Variants in DGKB observed in about 807,000 individuals in gnomAD.
The protein encoded by DGKB is 90 kDa diacylglycerol kinase.
Under a neutral mutation model 114.3 loss-of-function variants are expected in DGKB, and 67 were observed. That is an observed-to-expected ratio of 0.59 (90% CI 0.48 to 0.72). The LOEUF is 0.72. Ranked by LOEUF, DGKB falls within the 30% of genes least tolerant of loss-of-function variation. DGKB has a pLI of 0.00. For synonymous variants in DGKB, 398 were observed against 323.1 expected (o/e 1.23, Z -2.49); for missense variants, 907 against 975.2 (o/e 0.93, Z 0.93).
intron 2 of DGKB, among the ~76,000 whole-genome samples, chr7:14,794,570 A>T (rs1841134393): frequency 6.6e-6 from 1 of 152,160 alleles, no homozygotes; most frequent in Admixed American, 6.5e-5. Context: ...ATGACTTAGG[A>T]GCTTCCATGT....
intron 1 of DGKB, among the ~76,000 whole-genome samples, chr7:14,857,206 GTCTC>G (rs36093995): frequency 1.0e-3 from 146 of 146,078 alleles, no homozygotes; most frequent in Admixed American, 1.0e-3. Flanking sequence ...CTCTCTCTCT[GTCTC>G]TCTCTCTCTC....
At chr7:14,701,644 T>C (rs1171529706) in intron 7 of DGKB, 37 bp downstream of exon 7, 1 of 1,485,830 alleles carries the variant, frequency 6.7e-7, no homozygotes, top group Non-Finnish European at 9.4e-7. Context: ...AAGAAAATCT[T>C]TGAAGTTTTC....
At position 14,346,406 on chromosome 7, in the gene DGKB, A is replaced by G. The variant is rs188649860; in HGVS notation, c.1836-1015T>C. ...GATATAAAATTATAAAATACAAAGC[A>G]ATGTTATATTATCTATCTAAACATA... is the stretch of plus-strand genomic sequence containing the variant. On this transcript the variant is annotated intron_variant, in intron 21 of 25. Transcript: ENST00000402815. Among the ~76,000 whole-genome samples, 19 of 152,052 alleles carry G rather than the reference A, an allele frequency of 1.2e-4. No individual in the cohort carries two copies. In the East Asian group the frequency reaches 3.7e-3, roughly 29 times the overall value.
At chr7:14,704,744 C>A (rs948175797) in intron 6 of DGKB, among the ~76,000 whole-genome samples, 5 of 152,130 alleles carry the variant, frequency 3.3e-5, no homozygotes, top group East Asian at 1.9e-4. Context: ...TCCAATAGAC[C>A]TGCAGCTGAG....
At chr7:14,822,693 G>T (rs1387878332) in intron 2 of DGKB, among the ~76,000 whole-genome samples, 1 of 152,040 alleles carries the variant, frequency 6.6e-6, no homozygotes, top group Non-Finnish European at 1.5e-5. Flanking sequence ...AAGAATTGTA[G>T]GTGTGGGTCT....
chr7:14,196,629 C>G (rs1376238122), intron 23 of DGKB, among the ~76,000 whole-genome samples: 1 of 151,946 alleles, frequency 6.6e-6, no homozygotes, highest in Non-Finnish European at 1.5e-5. Flanking sequence ...ATAAGAAATA[C>G]AATCTCCTTT....
chr7:14,878,763 A>AAAC (rs1294346560), intron 1 of DGKB, among the ~76,000 whole-genome samples: 1 of 151,098 alleles, frequency 6.6e-6, no homozygotes, highest in East Asian at 1.9e-4. Flanking sequence ...AACAAAAAAA[A>AAAC]AAAAACAAAA....
intron 10 of DGKB, among the ~76,000 whole-genome samples, chr7:14,684,900 A>G (rs113757538): frequency 8.6e-5 from 13 of 151,094 alleles, no homozygotes; most frequent in African/African-American, 3.0e-4. Context: ...ACATGTGGGG[A>G]GGGGGGGATG....
intron 23 of DGKB, among the ~76,000 whole-genome samples, chr7:14,286,626 T>C (rs928047797): frequency 6.6e-6 from 1 of 152,256 alleles, no homozygotes; most frequent in Admixed American, 6.5e-5. Flanking sequence ...TGCCCTAAAT[T>C]CTCATTTTTG....
rs1375506379 is a variant in DGKB, at chr7:14,841,373, C to A, written c.-110G>T. 15 of 873,184 alleles carry A rather than the reference C, an allele frequency of 1.7e-5. No individual in the cohort carries two copies. In the South Asian group the frequency reaches 2.6e-4, roughly 15 times the overall value. The allele number at this position is 873,184 out of a possible 1,614,324, so 54.1% of individuals were successfully genotyped here. ...ACATGGCATGTTTCATGATAAAATACCTCAGGCTTTCAAAATATGCAATCT... is the reference window on the plus strand; with the variant it reads ...ACATGGCATGTTTCATGATAAAATAACTCAGGCTTTCAAAATATGCAATCT... On this transcript the variant is annotated 5_prime_UTR_variant, in exon 2 of 26. Transcript: ENST00000402815.
In DGKB at chr7:14,263,692, A is replaced by G. The variant is rs554377553; in HGVS notation, c.2122+74823T>C. ...TTGAGAAATGATCATTTTTGAGAAC[A>G]TTGTAGATTCATAAAGTTAAAGGCA... On this transcript the variant is annotated intron_variant, in intron 23 of 25. Transcript: ENST00000402815. Among the ~76,000 whole-genome samples the G allele has an allele frequency of 3.9e-5, 6 of 152,330 alleles. No homozygotes were observed. In the South Asian group the frequency reaches 1.2e-3, roughly 32 times the overall value.
chr7:14,822,713 A>T, intron 2 of DGKB, among the ~76,000 whole-genome samples: 1 of 152,106 alleles, frequency 6.6e-6, no homozygotes, highest in East Asian at 1.9e-4. Flanking sequence ...TACAGAATAG[A>T]GGAAATCCTT....
intron 21 of DGKB, among the ~76,000 whole-genome samples, chr7:14,474,608 T>C (rs1781891666): frequency 6.8e-6 from 1 of 147,544 alleles, no homozygotes; most frequent in South Asian, 2.2e-4. Flanking sequence ...CTTTTTAATG[T>C]TGCTTATTTT....
chr7:14,837,929 C>T (rs1429823740), intron 2 of DGKB, among the ~76,000 whole-genome samples: 3 of 152,128 alleles, frequency 2.0e-5, no homozygotes, highest in Non-Finnish European at 2.9e-5. Context: ...TTAAAAATAG[C>T]GTAATAATCA....
At chr7:14,723,759 A>G (rs1829613051) in intron 5 of DGKB, among the ~76,000 whole-genome samples, 1 of 152,180 alleles carries the variant, frequency 6.6e-6, no homozygotes, top group African/African-American at 2.4e-5. Context: ...ATACATACAC[A>G]CATACACATT....
chr7:14,603,434 T>C (rs1308689619), intron 17 of DGKB, among the ~76,000 whole-genome samples: 1 of 152,130 alleles, frequency 6.6e-6, no homozygotes. Flanking sequence ...AAGAGGCATA[T>C]GTAAAAGGTC....
chr7:14,753,829 G>A, intron 4 of DGKB, 99 bp downstream of exon 4: 1 of 809,268 alleles, frequency 1.2e-6, no homozygotes, highest in Non-Finnish European at 2.1e-6. Context: ...AATCATATTG[G>A]TACAGAAGTA....
At chr7:14,945,139 T>C (rs1245590051) in intron 1 of DGKB, among the ~76,000 whole-genome samples, 1 of 151,814 alleles carries the variant, frequency 6.6e-6, no homozygotes, top group African/African-American at 2.4e-5. Flanking sequence ...ATAATTCACA[T>C]AATGGATACT....
chr7:14,593,899 G>A (rs185067187), intron 17 of DGKB, among the ~76,000 whole-genome samples: 1 of 151,624 alleles, frequency 6.6e-6, no homozygotes, highest in Admixed American at 6.6e-5. Context: ...AGCATGATAA[G>A]GAAGTCCTTT....
Sources: gnomAD v4.1 joint callset for allele counts (sites outside exome capture counted in the v4.1 genomes callset) on GRCh38, gnomAD v4.1.1 for gene constraint, MANE v1.5 for transcripts, NCBI Gene and HGNC (gene_info 2026-07-23, HGNC 2026-07-21) for gene names.